Variants in CLNK observed in about 807,000 individuals in gnomAD.
The protein encoded by CLNK is cytokine dependent hematopoietic cell linker.
CLNK carries 74 observed loss-of-function variants against 68.6 expected under a neutral mutation model. That is an observed-to-expected ratio of 1.08 (90% CI 0.89 to 1.31). The LOEUF (loss-of-function observed/expected upper bound fraction) is 1.31. Ranked by LOEUF, CLNK falls within the 50% of genes most tolerant of loss-of-function variation. The pLI, the probability that CLNK is intolerant of heterozygous loss-of-function variation, is 0.00. For synonymous variants in CLNK, 198 were observed against 172.2 expected (o/e 1.15, Z -1.17); for missense variants, 553 against 515.3 (o/e 1.07, Z -0.71).
intron 7 of CLNK, among the ~76,000 whole-genome samples, chr4:10,559,064 GA>G (rs754847956): frequency 2.0e-5 from 3 of 152,154 alleles, no homozygotes; most frequent in Non-Finnish European, 2.9e-5. Context: ...TAACCACACT[GA>G]ATTCATGTAT....
At chr4:10,542,652 G>GTA (rs1490808883) in intron 8 of CLNK, among the ~76,000 whole-genome samples, 4 of 143,176 alleles carry the variant, frequency 2.8e-5, no homozygotes, top group African/African-American at 1.1e-4. Flanking sequence ...GTGTGTGTGT[G>GTA]TGTATGTGTG....
chr4:10,593,040 T>G (rs1721239636), intron 3 of CLNK, among the ~76,000 whole-genome samples: 1 of 152,134 alleles, frequency 6.6e-6, no homozygotes, highest in Non-Finnish European at 1.5e-5. Flanking sequence ...GCATCTACGC[T>G]GTAGGAGCCC....
chr4:10,544,364 A>T (rs1460648468), intron 8 of CLNK, among the ~76,000 whole-genome samples: 1 of 152,218 alleles, frequency 6.6e-6, no homozygotes, highest in Non-Finnish European at 1.5e-5. Flanking sequence ...TAATATATGC[A>T]TTGATGTAGG....
chr4:10,609,000 C>G (rs1470000649), intron 2 of CLNK, among the ~76,000 whole-genome samples: 1 of 152,130 alleles, frequency 6.6e-6, no homozygotes, highest in African/African-American at 2.4e-5. Flanking sequence ...CTCAAGGGCC[C>G]CACTTAACAA....
chr4:10,705,506 T>G, the CLNK span, among the ~76,000 whole-genome samples: 16 of 152,176 alleles, frequency 1.1e-4, no homozygotes, highest in Non-Finnish European at 2.1e-4. Flanking sequence ...TTCCTTTCCT[T>G]CTTTCTCCCA....
intron 4 of CLNK, among the ~76,000 whole-genome samples, chr4:10,575,109 G>A (rs115537580): frequency 0.012 from 1,880 of 152,178 alleles, 18 homozygotes; most frequent in Non-Finnish European, 0.02. Flanking sequence ...CCACTTGTCC[G>A]TATTGTATTC....
intron 12 of CLNK, chr4:10,531,666 C>A: frequency 2.2e-6 from 1 of 453,098 alleles, no homozygotes; most frequent in Non-Finnish European, 4.4e-6. Context: ...ATCTTGAACC[C>A]CTGACCTCAG....
Position 10,486,926 on chromosome 4 carries a change from T to C in CLNK, c.*3541A>G, listed in dbSNP as rs945683542. 8 of 152,228 alleles carry C rather than the reference T, an allele frequency of 5.3e-5. No individual in the cohort carries two copies. The highest frequency in any genetic ancestry group is 2.6e-4 in the Admixed American group (4 of 15,276). The allele number at this position is 152,228 out of a possible 1,614,324, so 9.4% of individuals were successfully genotyped here. On this transcript the variant is annotated 3_prime_UTR_variant, in exon 19 of 19. Transcript: ENST00000226951. The stretch of plus-strand genomic sequence containing the variant: ...GTCATCTATCTCTCTTATTCACTGC[T>C]CTATTTTCAACATCTACAATAGTGC...
intron 4 of CLNK, among the ~76,000 whole-genome samples, chr4:10,572,015 T>C (rs1269989646): frequency 6.6e-6 from 1 of 152,202 alleles, no homozygotes; most frequent in African/African-American, 2.4e-5. Flanking sequence ...AAACAGTGAC[T>C]TGGAGGTAAG....
At chr4:10,545,631 C>T (rs1478267640) in intron 8 of CLNK, among the ~76,000 whole-genome samples, 2 of 152,142 alleles carry the variant, frequency 1.3e-5, no homozygotes, top group Non-Finnish European at 2.9e-5. Context: ...CTCCATTAGG[C>T]ATTGCCCTGG....
At chr4:10,543,388 C>T (rs1453308592) in intron 8 of CLNK, among the ~76,000 whole-genome samples, 2 of 152,146 alleles carry the variant, frequency 1.3e-5, no homozygotes, top group South Asian at 4.1e-4. Context: ...ACTTAAACCT[C>T]CACTGAACAC....
chr4:10,653,495 A>C (rs1181141086), intron 2 of CLNK, among the ~76,000 whole-genome samples: 6 of 152,218 alleles, frequency 3.9e-5, no homozygotes, highest in African/African-American at 1.4e-4. Context: ...TTTATTTATA[A>C]ATCAGCAAAT....
intron 4 of CLNK, among the ~76,000 whole-genome samples, chr4:10,580,894 A>T (rs565754454): frequency 9.2e-5 from 14 of 152,142 alleles, no homozygotes; most frequent in Non-Finnish European, 7.3e-5. Flanking sequence ...AGAGATTCTA[A>T]TGTTGACGTG....
At chr4:10,642,093 A>T (rs189497686) in intron 2 of CLNK, among the ~76,000 whole-genome samples, 221 of 152,330 alleles carry the variant, frequency 1.5e-3, no homozygotes, top group Non-Finnish European at 2.0e-3. Context: ...ACACCTACCT[A>T]ATGTATGAGA....
intron 13 of CLNK, 119 bp downstream of exon 13, chr4:10,527,957 C>T (rs1005135518): frequency 1.1e-5 from 5 of 470,104 alleles, no homozygotes; most frequent in African/African-American, 2.0e-5. Context: ...CACACACATA[C>T]ATCCCCATCC....
Position 10,597,856 on chromosome 4 carries a change from A to C in CLNK, c.83+122T>G, listed in dbSNP as rs546212248. On this transcript the variant is annotated intron_variant, in intron 3 of 18. Transcript: ENST00000226951. ...TCTCCTGCACCTTGGTCTCTGTCTG[A>C]CCTCTAAGTCACTACAGGTCATTCC... 8.7e-6 allele frequency: 6 copies of C among 688,638 alleles called. No homozygotes were observed. The East Asian group carries it at 1.6e-4, about 19-fold the overall frequency. 42.7% of individuals were successfully genotyped at this position (688,638 alleles called of 1,614,324 possible). A position where few individuals can be genotyped will look rare whatever the true frequency, so the allele number is the denominator to read the frequency against.
the CLNK span, among the ~76,000 whole-genome samples, chr4:10,699,514 T>TATA: frequency 1.6e-4 from 3 of 18,450 alleles, no homozygotes; most frequent in African/African-American, 5.7e-4. Context: ...ATATATATAT[T>TATA]TTTTTTTTTT....
intron 15 of CLNK, 133 bp downstream of exon 15, chr4:10,520,658 A>G (rs1268599085): frequency 9.6e-6 from 6 of 623,348 alleles, no homozygotes; most frequent in African/African-American, 1.8e-5. Context: ...TAGTAACGCA[A>G]TGGAAATGAG....
intron 2 of CLNK, among the ~76,000 whole-genome samples, chr4:10,661,600 A>G (rs947584433): frequency 4.6e-5 from 7 of 152,230 alleles, no homozygotes; most frequent in Non-Finnish European, 7.3e-5. Context: ...TGACTAGCAC[A>G]GTGCCTGGCG....
Sources: allele counts gnomAD v4.1 joint callset (sites outside exome capture counted in the v4.1 genomes callset), GRCh38; gene constraint gnomAD v4.1.1; transcripts MANE v1.5; gene names NCBI Gene and HGNC (gene_info 2026-07-23, HGNC 2026-07-21).